XKR6: variants seen among roughly 807,000 people sequenced by gnomAD.
The protein encoded by XKR6 is XK related 6, also known as XK-related protein 6.
A neutral mutation model predicts 56.7 loss-of-function variants in XKR6; 22 were observed. The ratio of observed to expected loss-of-function variants is 0.39; its 90% confidence interval spans 0.28 to 0.55. The LOEUF (loss-of-function observed/expected upper bound fraction) is 0.55. Ranked by LOEUF, XKR6 falls within the 20% of genes least tolerant of loss-of-function variation. The pLI, the probability that XKR6 is intolerant of heterozygous loss-of-function variation, is 0.66. For missense variants in XKR6, 852 were observed against 889.0 expected (o/e 0.96, Z 0.53); for synonymous variants, 524 against 387.8 (o/e 1.35, Z -4.13).
At chr8:11,143,019 C>CT (rs1800784357) in intron 1 of XKR6, among the ~76,000 whole-genome samples, 1 of 152,194 alleles carries the variant, frequency 6.6e-6, no homozygotes, top group Non-Finnish European at 1.5e-5. Flanking sequence ...TTCATCTTGA[C>CT]TTTCCTAAAT....
At chr8:11,196,414 CAAACAAAACA>C (rs545640719) in intron 1 of XKR6, among the ~76,000 whole-genome samples, 2 of 148,904 alleles carry the variant, frequency 1.3e-5, no homozygotes, top group Non-Finnish European at 2.9e-5. Flanking sequence ...GCTCAAAAAG[CAAACAAAACA>C]AAACAAAACA....
chr8:11,163,599 C>T (rs1457641394), intron 1 of XKR6, among the ~76,000 whole-genome samples: 2 of 152,140 alleles, frequency 1.3e-5, no homozygotes, highest in Non-Finnish European at 2.9e-5. Flanking sequence ...TAGTGAATAA[C>T]AAAATATGCA....
intron 1 of XKR6, among the ~76,000 whole-genome samples, chr8:10,975,373 T>C (rs1802524095): frequency 6.6e-6 from 1 of 152,148 alleles, no homozygotes; most frequent in Non-Finnish European, 1.5e-5. Flanking sequence ...AAGTCCAGTG[T>C]CCTCCCCAGC....
chr8:10,993,386 C>T (rs1180929190), intron 1 of XKR6, among the ~76,000 whole-genome samples: 9 of 152,178 alleles, frequency 5.9e-5, no homozygotes, highest in African/African-American at 1.4e-4. Context: ...GGAAAGAAAG[C>T]GGGTGGGAAG....
chr8:11,017,361 G>A (rs966727693), intron 1 of XKR6, among the ~76,000 whole-genome samples: 1 of 152,248 alleles, frequency 6.6e-6, no homozygotes, highest in African/African-American at 2.4e-5. Flanking sequence ...GAAGCTGCAG[G>A]TTTTCAGCTG....
intron 1 of XKR6, among the ~76,000 whole-genome samples, chr8:11,011,470 T>C (rs1423700232): frequency 6.6e-6 from 1 of 152,248 alleles, no homozygotes; most frequent in African/African-American, 2.4e-5. Context: ...TCATTTTTTA[T>C]TTGTTCATTC....
chr8:10,910,878 G>A (rs918876120), intron 2 of XKR6, among the ~76,000 whole-genome samples: 2 of 152,208 alleles, frequency 1.3e-5, no homozygotes, highest in African/African-American at 2.4e-5. Context: ...AAGGCTCAAG[G>A]GTGCCTGGAT....
chr8:10,925,520 G>C (rs756180613), intron 1 of XKR6, among the ~76,000 whole-genome samples: 1 of 152,182 alleles, frequency 6.6e-6, no homozygotes, highest in Non-Finnish European at 1.5e-5. Context: ...CAGGGCCCAG[G>C]ACACAGGAGC....
intron 1 of XKR6, among the ~76,000 whole-genome samples, chr8:10,971,614 C>T (rs7001742): frequency 0.047 from 7,203 of 152,156 alleles, 573 homozygotes; most frequent in African/African-American, 0.16. Flanking sequence ...AGCAACTTAC[C>T]TGAGGCCAAT....
intron 1 of XKR6, among the ~76,000 whole-genome samples, chr8:11,192,322 C>A (rs1427638281): frequency 2.0e-5 from 3 of 152,062 alleles, no homozygotes; most frequent in Non-Finnish European, 2.9e-5. Context: ...CCACGCCCGG[C>A]TAATTTTTGT....
chr8:11,058,845 G>A (rs58662603), intron 1 of XKR6, among the ~76,000 whole-genome samples: 1 of 152,186 alleles, frequency 6.6e-6, no homozygotes, highest in Non-Finnish European at 1.5e-5. Flanking sequence ...CCAGAACTTA[G>A]TAAAATTTTT....
At chr8:10,915,318 C>T (rs1306800891) in intron 2 of XKR6, among the ~76,000 whole-genome samples, 3 of 148,842 alleles carry the variant, frequency 2.0e-5, no homozygotes, top group African/African-American at 7.6e-5. Context: ...GCAGTAAATG[C>T]TCAGGCTTCT....
At chr8:10,947,928 C>G (rs1801599508) in intron 1 of XKR6, among the ~76,000 whole-genome samples, 1 of 152,182 alleles carries the variant, frequency 6.6e-6, no homozygotes, top group Non-Finnish European at 1.5e-5. Flanking sequence ...CTCAAATGCT[C>G]CCTACCTTCC....
chr8:10,999,610 T>C lies in XKR6; in HGVS notation c.765-74780A>G, dbSNP rs184281747. The stretch of plus-strand genomic sequence containing the variant: ...GTGAAGGGAGTATCCTCTCCTCCCA[T>C]ATATTGGTTTTATAGAACCAAAATA... On this transcript the variant is annotated intron_variant, in intron 1 of 2. Transcript: ENST00000416569. Among the ~76,000 whole-genome samples the C allele has an allele frequency of 5.9e-5, 9 of 152,330 alleles. No homozygotes were observed. In the South Asian group the frequency reaches 8.3e-4, roughly 14 times the overall value.
At chr8:10,987,926 G>C (rs890664956) in intron 1 of XKR6, among the ~76,000 whole-genome samples, 24 of 152,156 alleles carry the variant, frequency 1.6e-4, no homozygotes, top group Non-Finnish European at 3.4e-4. Context: ...CCTCTCTCAG[G>C]TCTTTACTCA....
intron 1 of XKR6, among the ~76,000 whole-genome samples, chr8:11,121,727 C>A (rs918635392): frequency 1.3e-5 from 2 of 152,232 alleles, no homozygotes; most frequent in African/African-American, 4.8e-5. Context: ...TATAAAGACA[C>A]ATGCACACAT....
At chr8:11,093,995 C>T (rs925152420) in intron 1 of XKR6, among the ~76,000 whole-genome samples, 2 of 151,188 alleles carry the variant, frequency 1.3e-5, no homozygotes, top group Admixed American at 6.6e-5. Flanking sequence ...CGTGTTAGCC[C>T]GGATGGTCTC....
chr8:10,987,109 T>C (rs1797880819), intron 1 of XKR6, among the ~76,000 whole-genome samples: 1 of 152,202 alleles, frequency 6.6e-6, no homozygotes, highest in Non-Finnish European at 1.5e-5. Context: ...GTGCATGATA[T>C]GTAGTAATCT....
At chr8:11,193,751 C>CCA (rs1484500326) in intron 1 of XKR6, among the ~76,000 whole-genome samples, 10 of 111,228 alleles carry the variant, frequency 9.0e-5, no homozygotes, top group African/African-American at 3.0e-4. Flanking sequence ...CCCCCCCCCC[C>CCA]ACAAAAGAAA....
Sources: gnomAD v4.1 joint callset for allele counts (sites outside exome capture counted in the v4.1 genomes callset) on GRCh38, gnomAD v4.1.1 for gene constraint, MANE v1.5 for transcripts, NCBI Gene and HGNC (gene_info 2026-07-23, HGNC 2026-07-21) for gene names.